AKAP6: variants seen among roughly 807,000 people sequenced by gnomAD.
AKAP6 encodes A-kinase anchor protein 6.
Under a neutral mutation model 188.5 loss-of-function variants are expected in AKAP6, and 58 were observed. That is an observed-to-expected ratio of 0.31 (90% CI 0.25 to 0.38). The LOEUF (loss-of-function observed/expected upper bound fraction) is 0.38. AKAP6 is among the 10% of genes least tolerant of loss of function. The pLI, the probability that AKAP6 is intolerant of heterozygous loss-of-function variation, is 1.00. For missense variants in AKAP6, 2,710 were observed against 2,740.0 expected (o/e 0.99, Z 0.24); for synonymous variants, 989 against 998.6 (o/e 0.99, Z 0.18).
At chr14:32,445,323 G>T (rs1347092658) in intron 2 of AKAP6, among the ~76,000 whole-genome samples, 4 of 152,020 alleles carry the variant, frequency 2.6e-5, no homozygotes, top group African/African-American at 9.7e-5. Flanking sequence ...TCATCTGCTT[G>T]GTTAAACCAT....
At chr14:32,780,157 C>CCATATATATATATATAT (rs142218168) in intron 12 of AKAP6, among the ~76,000 whole-genome samples, 6 of 119,386 alleles carry the variant, frequency 5.0e-5, no homozygotes, top group East Asian at 2.4e-4. Flanking sequence ...AAAAAAAAAA[C>CCATATATATATATATAT]ATATATATAT....
At chr14:32,570,493 G>A (rs1454321529) in intron 4 of AKAP6, among the ~76,000 whole-genome samples, 1 of 151,990 alleles carries the variant, frequency 6.6e-6, no homozygotes, top group Non-Finnish European at 1.5e-5. Flanking sequence ...GTACAGTGCT[G>A]TAGACTTAGT....
chr14:32,374,289 G>C (rs559285048), intron 1 of AKAP6, among the ~76,000 whole-genome samples: 14 of 152,344 alleles, frequency 9.2e-5, no homozygotes, highest in Non-Finnish European at 1.9e-4. Flanking sequence ...AATTGAGAGA[G>C]AGAGAGGCAG....
At chr14:32,613,573 A>T (rs537917734) in intron 7 of AKAP6, among the ~76,000 whole-genome samples, 1 of 152,282 alleles carries the variant, frequency 6.6e-6, no homozygotes, top group South Asian at 2.1e-4. Context: ...AAAGTAAGGT[A>T]ATAATAGTAT....
At chr14:32,411,624 A>G (rs1366194902) in intron 1 of AKAP6, among the ~76,000 whole-genome samples, 1 of 152,052 alleles carries the variant, frequency 6.6e-6, no homozygotes, top group African/African-American at 2.4e-5. Context: ...GGGGAACAAG[A>G]TGTCATCAGT....
rs943584927 is a variant in AKAP6, at chr14:32,836,975, G to C, written c.*7170G>C. ...AATAGCCAGTCCTGATGACTTGGTC[G>C]AGGTAACTTGCTTTGCCCACTGTTA... On this transcript the variant is annotated 3_prime_UTR_variant, in exon 14 of 14. Coordinates refer to ENST00000280979, the MANE Select transcript of AKAP6 (RefSeq NM_004274.5). The C allele has an allele frequency of 6.6e-6, 1 of 152,188 alleles. No homozygotes were observed. Among genetic ancestry groups the C allele is most frequent in the East Asian group, 1.9e-4 (1 of 5,190 alleles). The allele number at this position is 152,188 out of a possible 1,614,324, so 9.4% of individuals were successfully genotyped here.
At chr14:32,375,500 C>CAAA (rs35341541) in intron 1 of AKAP6, among the ~76,000 whole-genome samples, 5 of 127,818 alleles carry the variant, frequency 3.9e-5, no homozygotes, top group Admixed American at 7.7e-5. Context: ...TTAGAGTAAG[C>CAAA]AAAAAAAAAA....
intron 1 of AKAP6, among the ~76,000 whole-genome samples, chr14:32,371,966 T>G (rs961685788): frequency 6.6e-6 from 1 of 151,988 alleles, no homozygotes; most frequent in Non-Finnish European, 1.5e-5. Context: ...TCTTCTCTCC[T>G]TCTCCCTCTT....
intron 4 of AKAP6, among the ~76,000 whole-genome samples, chr14:32,551,030 A>C (rs1407651775): frequency 6.6e-6 from 1 of 152,172 alleles, no homozygotes; most frequent in Non-Finnish European, 1.5e-5. Context: ...TTGCCATTGT[A>C]TTCAGAGGTC....
chr14:32,540,261 C>T (rs561849308), intron 3 of AKAP6, among the ~76,000 whole-genome samples: 7 of 149,448 alleles, frequency 4.7e-5, no homozygotes, highest in South Asian at 4.2e-4. Context: ...TGCAGTGGCA[C>T]GATCTTGGCT....
chr14:32,796,913 A>G (rs1295173609), intron 12 of AKAP6, among the ~76,000 whole-genome samples: 1 of 152,216 alleles, frequency 6.6e-6, no homozygotes, highest in Admixed American at 6.5e-5. Flanking sequence ...ACAAAGGTCT[A>G]ATACCCTGAG....
At chr14:32,732,952 C>G in intron 10 of AKAP6, 1 of 432,912 alleles carries the variant, frequency 2.3e-6, no homozygotes, top group Non-Finnish European at 4.1e-6. Context: ...AGAATTTATT[C>G]TGAAGGTACA....
intron 7 of AKAP6, among the ~76,000 whole-genome samples, chr14:32,613,024 A>G (rs1886417599): frequency 6.6e-6 from 1 of 152,242 alleles, no homozygotes; most frequent in Non-Finnish European, 1.5e-5. Context: ...ATTTGTGTAC[A>G]TACACATCCT....
chr14:32,522,438 A>G (rs1032271307), intron 2 of AKAP6, among the ~76,000 whole-genome samples: 13 of 152,206 alleles, frequency 8.5e-5, no homozygotes, highest in Non-Finnish European at 1.9e-4. Flanking sequence ...CAATCTACCC[A>G]TCTGACAAAG....
chr14:32,351,571 A>AAAC (rs987639230), intron 1 of AKAP6, among the ~76,000 whole-genome samples: 7 of 149,684 alleles, frequency 4.7e-5, no homozygotes, highest in African/African-American at 1.7e-4. Context: ...TCAAAAAAAA[A>AAAC]AAAAACAAAA....
At chr14:32,429,949 C>T (rs766851714) in intron 1 of AKAP6, among the ~76,000 whole-genome samples, 10 of 152,222 alleles carry the variant, frequency 6.6e-5, no homozygotes, top group Admixed American at 1.3e-4. Context: ...TATATAACCA[C>T]ATCTGTTTTG....
chr14:32,813,389 A>ACCCCCC (rs112729792), intron 12 of AKAP6, among the ~76,000 whole-genome samples: 2 of 65,288 alleles, frequency 3.1e-5, no homozygotes, highest in Non-Finnish European at 2.8e-5. Flanking sequence ...CTCTAACCCT[A>ACCCCCC]CCCCCCCCCC....
intron 4 of AKAP6, among the ~76,000 whole-genome samples, chr14:32,556,942 G>A (rs578014218): frequency 2.0e-5 from 3 of 150,828 alleles, no homozygotes; most frequent in South Asian, 2.1e-4. Context: ...AAATTTCAAT[G>A]TAGTTCCCAC....
In AKAP6 at chr14:32,330,713, A is replaced by ATTTTT. The variant is rs35147196; in HGVS notation, c.-35+1331_-35+1335dup. Among the ~76,000 whole-genome samples the ATTTTT allele has an allele frequency of 1.4e-3, 85 of 62,412 alleles. 4 individuals carry two copies. Among genetic ancestry groups the ATTTTT allele is most frequent in the Non-Finnish European group, 1.7e-3 (61 of 34,956 alleles). 40.9% of individuals were successfully genotyped at this position (62,412 alleles called of 152,430 possible). On this transcript the variant is annotated intron_variant, in intron 1 of 13. Coordinates refer to ENST00000280979, the MANE Select transcript of AKAP6 (RefSeq NM_004274.5). ...CAATACCTTTAGCTAGCTTGGAGTG[A>ATTTTT]TTTTTTTTTTTTTTTTTTTTTTTTT...
Sources: allele counts gnomAD v4.1 joint callset (sites outside exome capture counted in the v4.1 genomes callset), GRCh38; gene constraint gnomAD v4.1.1; transcripts MANE v1.5; gene names NCBI Gene and HGNC (gene_info 2026-07-23, HGNC 2026-07-21).